CUL5: variants seen among roughly 807,000 people sequenced by gnomAD.
The protein encoded by CUL5 is cullin-5.
In CUL5, 26 loss-of-function variants were observed where a neutral mutation model predicts 108.8. That is an observed-to-expected ratio of 0.24 (90% confidence interval 0.18 to 0.33). CUL5 has a LOEUF of 0.33. Among genes scored for constraint, CUL5 ranks in the 10% least tolerant of loss-of-function variants. The probability of loss-of-function intolerance (pLI) is 1.00; values close to 1 mark genes in which losing one functional copy is unlikely to be tolerated. For synonymous variants in CUL5, 334 were observed against 298.0 expected, an observed-to-expected ratio of 1.12 and a Z score of -1.25; for missense variants, 524 against 909.2, an observed-to-expected ratio of 0.58 and a Z score of 5.45.
chr11:108,069,320 A>G (rs1863765834), intron 7 of CUL5, among the ~76,000 whole-genome samples: 1 of 152,138 alleles, frequency 6.6e-6, no homozygotes, highest in South Asian at 2.1e-4. Flanking sequence ...TACCTATGAA[A>G]TAAAACCCCA....
chr11:108,026,299 A>G (rs958955210), intron 1 of CUL5, among the ~76,000 whole-genome samples: 4 of 152,132 alleles, frequency 2.6e-5, no homozygotes, highest in Admixed American at 6.6e-5. Flanking sequence ...ATCCATGACC[A>G]CAATGAGGCC....
intron 7 of CUL5, among the ~76,000 whole-genome samples, chr11:108,065,775 G>T (rs1348869974): frequency 6.6e-6 from 1 of 152,154 alleles, no homozygotes; most frequent in Non-Finnish European, 1.5e-5. Context: ...GTGCCCACCT[G>T]ATTTTTGGTT....
chr11:108,081,414 C>A (rs552242053), intron 11 of CUL5, among the ~76,000 whole-genome samples: 52 of 151,826 alleles, frequency 3.4e-4, no homozygotes, highest in Non-Finnish European at 6.6e-4. Flanking sequence ...ATGTGGATAC[C>A]CAATTGTTCC....
chr11:108,076,069 C>G (rs1188301095), intron 10 of CUL5, among the ~76,000 whole-genome samples: 2 of 152,092 alleles, frequency 1.3e-5, no homozygotes, highest in African/African-American at 2.4e-5. Flanking sequence ...TGCTCTGTCA[C>G]CCAGGCTGGA....
chr11:108,024,719 A>G (rs750694558), intron 1 of CUL5, among the ~76,000 whole-genome samples: 7 of 152,232 alleles, frequency 4.6e-5, no homozygotes, highest in Non-Finnish European at 7.3e-5. Context: ...TACAACAGAT[A>G]CCACATTACA....
chr11:108,012,480 G>A (rs1163265145), intron 1 of CUL5, among the ~76,000 whole-genome samples: 1 of 144,242 alleles, frequency 6.9e-6, no homozygotes, highest in Non-Finnish European at 1.5e-5. Flanking sequence ...TTCTTTTTCA[G>A]TCCTCATCTT....
At chr11:108,091,022 C>T (rs116269741) in intron 13 of CUL5, among the ~76,000 whole-genome samples, 4,005 of 152,024 alleles carry the variant, frequency 0.026, 190 homozygotes, top group African/African-American at 0.088. Flanking sequence ...CTACGAGAAA[C>T]CTTTAGAATT....
chr11:108,100,582 G>A (rs1864634438), intron 18 of CUL5, among the ~76,000 whole-genome samples: 1 of 151,908 alleles, frequency 6.6e-6, no homozygotes, highest in African/African-American at 2.4e-5. Flanking sequence ...ACCTTACTCT[G>A]TAAGTATAGA....
chr11:108,053,489 G>A lies in CUL5; in HGVS notation c.553+688G>A, dbSNP rs117240059. Among the ~76,000 whole-genome samples the A allele has an allele frequency of 1.4e-3, 220 of 152,204 alleles. 1 individual carries two copies. Among genetic ancestry groups the A allele is most frequent in the Admixed American group, 4.1e-3 (62 of 15,296 alleles). On this transcript the variant is annotated intron_variant, in intron 5 of 18. Transcript: ENST00000393094. ...TTATCAAGCCTTTAGATTTTCATTAGCAGTGCTCCTGAAATTTGTTTTTAA... is the reference window on the plus strand; with the variant it reads ...TTATCAAGCCTTTAGATTTTCATTAACAGTGCTCCTGAAATTTGTTTTTAA...
At chr11:108,070,264 C>CA in intron 8 of CUL5, 75 bp downstream of exon 8, 7 of 1,065,670 alleles carry the variant, frequency 6.6e-6, no homozygotes, top group Non-Finnish European at 1.0e-5. Flanking sequence ...TACTAAGTTG[C>CA]TCTTAGTTAA....
At chr11:108,073,811 A>C (rs1863883310) in intron 10 of CUL5, 1 of 163,472 alleles carries the variant, frequency 6.1e-6, no homozygotes, top group Admixed American at 6.3e-5. Context: ...CCCAGCTCAA[A>C]GAATACTTCC....
At chr11:108,032,369 A>G (rs1163566425) in intron 1 of CUL5, among the ~76,000 whole-genome samples, 3 of 152,064 alleles carry the variant, frequency 2.0e-5, no homozygotes, top group East Asian at 1.9e-4. Context: ...TTAGCTGGGC[A>G]TGGTGGTGCG....
At chr11:108,079,781 A>T (rs1185208217) in intron 11 of CUL5, among the ~76,000 whole-genome samples, 1 of 152,172 alleles carries the variant, frequency 6.6e-6, no homozygotes, top group Non-Finnish European at 1.5e-5. Context: ...TGCTGTCCTG[A>T]TTAATTCCCT....
intron 7 of CUL5, among the ~76,000 whole-genome samples, chr11:108,068,090 T>C (rs140231568): frequency 0.013 from 2,047 of 151,954 alleles, 42 homozygotes; most frequent in African/African-American, 0.047. Context: ...CATGCCCGGC[T>C]AATTTTTAGT....
intron 13 of CUL5, among the ~76,000 whole-genome samples, chr11:108,090,172 A>ATGTT (rs1591329513): frequency 6.6e-6 from 1 of 151,990 alleles, no homozygotes; most frequent in East Asian, 1.9e-4. Context: ...CTCAACTCTC[A>ATGTT]TTTAAACTGA....
At position 108,097,690 on chromosome 11, in the gene CUL5, G is replaced by A; in HGVS notation, c.1960G>A (p.Val654Ile). The A allele has an allele frequency of 6.2e-7, 1 of 1,613,834 alleles. No individual in the cohort carries two copies. The highest frequency in any genetic ancestry group is 8.5e-7 in the Non-Finnish European group (1 of 1,179,842). The change falls in exon 17 of 19, where the codon GTC (valine) becomes ATC (isoleucine). Residue 654 changes from valine (V) to isoleucine (I), a missense_variant. Physicochemically the swap from Val to Ile is conservative, Grantham distance 29. Transcript: ENST00000393094. ...KRQVLLYEPQVNSPKDFTEGT... is the reference protein window; with the variant it reads ...KRQVLLYEPQINSPKDFTEGT... ...GCAAGTTTTGTTGTATGAACCTCAAGTCAACTCACCCAAAGACTTTACAGA... is the reference window on the plus strand; with the variant it reads ...GCAAGTTTTGTTGTATGAACCTCAAATCAACTCACCCAAAGACTTTACAGA...
chr11:108,040,353 G>A (rs1201286654), intron 2 of CUL5, among the ~76,000 whole-genome samples: 5 of 151,896 alleles, frequency 3.3e-5, no homozygotes, highest in East Asian at 3.9e-4. Flanking sequence ...GGCTCATGCC[G>A]GTAATCCCAG....
intron 18 of CUL5, among the ~76,000 whole-genome samples, chr11:108,099,560 G>A (rs964046509): frequency 2.6e-5 from 4 of 152,122 alleles, no homozygotes; most frequent in African/African-American, 9.7e-5. Context: ...AAATAGAAAG[G>A]TTGAGCTCTT....
At chr11:108,082,699 C>T (rs1565263621) in intron 11 of CUL5, among the ~76,000 whole-genome samples, 1 of 152,010 alleles carries the variant, frequency 6.6e-6, no homozygotes, top group Admixed American at 6.6e-5. Flanking sequence ...GGCTGGAATG[C>T]AATGGCATGA....
Sources: allele counts gnomAD v4.1 joint callset (sites outside exome capture counted in the v4.1 genomes callset), GRCh38; gene constraint gnomAD v4.1.1; transcripts MANE v1.5; gene names NCBI Gene and HGNC (gene_info 2026-07-23, HGNC 2026-07-21).